DCAF8L2: variants seen among roughly 807,000 people sequenced by gnomAD.
DCAF8L2 encodes the protein DDB1 and CUL4 associated factor 8 like 2.
For missense variants in DCAF8L2, 430 were observed against 490.7 expected (o/e 0.88, Z 1.17); for synonymous variants, 200 against 190.9 (o/e 1.05, Z -0.39).
At chrX:27,639,836 C>T (rs1928640564) in intron 2 of DCAF8L2, among the ~76,000 whole-genome samples, 1 of 111,921 alleles carries the variant, frequency 8.9e-6, no homozygotes, top group Non-Finnish European at 1.9e-5. Flanking sequence ...AATCGTAATA[C>T]ATATTATTTT....
At chrX:27,608,547 A>G (rs1220074004) in intron 1 of DCAF8L2, among the ~76,000 whole-genome samples, 1 of 111,757 alleles carries the variant, frequency 8.9e-6, no homozygotes, top group South Asian at 3.7e-4. Flanking sequence ...TACAGAATGG[A>G]TACTGCAGTT....
the DCAF8L2 span, among the ~76,000 whole-genome samples, chrX:27,547,873 CTCTCTCTCTCTCTCTCTT>C: frequency 4.9e-4 from 29 of 59,496 alleles, no homozygotes; most frequent in African/African-American, 1.3e-3. Context: ...CTCTCTCTTT[CTCTCTCTCTCTCTCTCTT>C]TCTCTCTCTC....
the DCAF8L2 span, among the ~76,000 whole-genome samples, chrX:27,571,842 A>T: frequency 9.0e-6 from 1 of 111,139 alleles, no homozygotes; most frequent in Admixed American, 9.6e-5. Flanking sequence ...CTTTTCAGTG[A>T]TCCTGCCAAG....
the DCAF8L2 span, among the ~76,000 whole-genome samples, chrX:27,514,680 A>AC: frequency 8.5e-4 from 73 of 86,351 alleles, no homozygotes; most frequent in Non-Finnish European, 1.4e-3. Context: ...AAAAAAAAAA[A>AC]AAAAAAAAAA....
At chrX:27,616,444 G>A (rs762819297) in intron 1 of DCAF8L2, among the ~76,000 whole-genome samples, 1 of 111,255 alleles carries the variant, frequency 9.0e-6, no homozygotes, top group African/African-American at 3.3e-5. Context: ...AATTAATTCT[G>A]ATAGCAAAAA....
intron 4 of DCAF8L2, among the ~76,000 whole-genome samples, chrX:27,723,373 T>C (rs1931965800): frequency 1.8e-5 from 2 of 110,531 alleles, no homozygotes; most frequent in South Asian, 7.4e-4. Flanking sequence ...AAAAAACTCC[T>C]AGAAATCAAG....
At chrX:27,650,848 AGAAGTGG>A (rs1929121133) in intron 2 of DCAF8L2, among the ~76,000 whole-genome samples, 1 of 60,229 alleles carries the variant, frequency 1.7e-5, no homozygotes, top group Non-Finnish European at 2.7e-5. Context: ...ATGAGTGGTG[AGAAGTGG>A]GCATCCTTGT....
chrX:27,534,627 A>G, the DCAF8L2 span, among the ~76,000 whole-genome samples: 3 of 111,703 alleles, frequency 2.7e-5, no homozygotes, highest in African/African-American at 9.8e-5. Flanking sequence ...CTCGTGAGAA[A>G]CCGTATTTCT....
At chrX:27,529,081 G>A in the DCAF8L2 span, among the ~76,000 whole-genome samples, 1 of 111,759 alleles carries the variant, frequency 8.9e-6, no homozygotes, top group Admixed American at 9.6e-5. Context: ...GATCATAAAA[G>A]TACATGATGC....
At chrX:27,471,805 C>T in the DCAF8L2 span, among the ~76,000 whole-genome samples, 1 of 111,636 alleles carries the variant, frequency 9.0e-6, no homozygotes. Context: ...TTTTTTTCTG[C>T]ATTGCATTAT....
intron 2 of DCAF8L2, among the ~76,000 whole-genome samples, chrX:27,656,662 C>G (rs1473357836): frequency 1.8e-5 from 2 of 111,627 alleles, no homozygotes; most frequent in Admixed American, 1.9e-4. Context: ...GCTGGAGTAA[C>G]TCTTTTCCAT....
chrX:27,562,821 G>T, the DCAF8L2 span, among the ~76,000 whole-genome samples: 1 of 112,275 alleles, frequency 8.9e-6, no homozygotes. Flanking sequence ...AAAGTGGAAA[G>T]AGCTGATAGC....
At chrX:27,685,411 T>C (rs1224005546) in intron 3 of DCAF8L2, among the ~76,000 whole-genome samples, 1 of 111,699 alleles carries the variant, frequency 9.0e-6, no homozygotes, top group Non-Finnish European at 1.9e-5. Context: ...ACTGTATCAA[T>C]AACTGCATAA....
At chrX:27,482,098 C>T in the DCAF8L2 span, among the ~76,000 whole-genome samples, 2 of 111,560 alleles carry the variant, frequency 1.8e-5, no homozygotes, top group Non-Finnish European at 3.8e-5. Context: ...CACATTCCTT[C>T]ACATTTACTA....
chrX:27,710,787 A>G (rs112207428), intron 3 of DCAF8L2, among the ~76,000 whole-genome samples: 5,148 of 112,272 alleles, frequency 0.046, 112 homozygotes, highest in African/African-American at 0.095. Flanking sequence ...GTTTAAGAGA[A>G]GTGTTGAAAG....
rs184298252 is a variant in DCAF8L2, at chrX:27,737,074, T to C, written c.-58-9764T>C. ...AATATATTATTTATGTTAACATGTA[T>C]TGGGTTGATTATTGTTTTAAATAAA... On this transcript the variant is annotated intron_variant, in intron 4 of 4. Coordinates refer to ENST00000451261, the MANE Select transcript of DCAF8L2 (RefSeq NM_001353450.2). 4.5e-4 allele frequency among the ~76,000 whole-genome samples: 50 copies of C among 112,014 alleles called. 1 individual carries two copies. The Admixed American group carries it at 4.6e-3, about 10-fold the overall frequency.
At chrX:27,569,997 A>G in the DCAF8L2 span, among the ~76,000 whole-genome samples, 1 of 112,000 alleles carries the variant, frequency 8.9e-6, no homozygotes, top group African/African-American at 3.2e-5. Context: ...TGAAGCTTAA[A>G]AAAGGACAAT....
At chrX:27,740,458 C>A (rs1469375356) in intron 4 of DCAF8L2, among the ~76,000 whole-genome samples, 2 of 111,683 alleles carry the variant, frequency 1.8e-5, no homozygotes, top group East Asian at 5.6e-4. Context: ...CATTCCCCTA[C>A]TGGCAAGCTC....
the DCAF8L2 span, among the ~76,000 whole-genome samples, chrX:27,500,926 T>C: frequency 9.0e-6 from 1 of 111,442 alleles, no homozygotes; most frequent in Non-Finnish European, 1.9e-5. Flanking sequence ...ATACTTTTGA[T>C]ATGAAATGGG....
Sources: allele counts gnomAD v4.1 joint callset (sites outside exome capture counted in the v4.1 genomes callset), GRCh38; gene constraint gnomAD v4.1.1; transcripts MANE v1.5; gene names NCBI Gene and HGNC (gene_info 2026-07-23, HGNC 2026-07-21).